Variants in SLIT3 observed in about 807,000 individuals in gnomAD.
SLIT3 encodes slit guidance ligand 3.
A neutral mutation model predicts 184.0 loss-of-function variants in SLIT3; 68 were observed. The ratio of observed to expected loss-of-function variants is 0.37; its 90% confidence interval spans 0.30 to 0.45. The LOEUF is 0.45. SLIT3 is among the 20% of genes least tolerant of loss of function. The pLI is 1.00. For missense variants in SLIT3, 1,707 were observed against 2,026.0 expected (o/e 0.84, Z 3.02); for synonymous variants, 831 against 828.6 (o/e 1.00, Z -0.05).
At position 168,665,828 on chromosome 5, in the gene SLIT3, C is replaced by T; in HGVS notation, c.*626G>A. 1 of 152,280 alleles carries T rather than the reference C, an allele frequency of 6.6e-6. No homozygotes were observed. The highest frequency in any genetic ancestry group is 1.9e-4 in the East Asian group (1 of 5,192). 9.4% of individuals were successfully genotyped at this position (152,280 alleles called of 1,614,324 possible). A position where few individuals can be genotyped will look rare whatever the true frequency, so the allele number is the denominator to read the frequency against. On this transcript the variant is annotated 3_prime_UTR_variant, in exon 36 of 36. Transcript: ENST00000519560. The stretch of plus-strand genomic sequence containing the variant: ...GCAATATTTTTGAGTGGCAGTGAGA[C>T]TGAGAAGGCCAGGGCTCAGCAGCTT...
intron 1 of SLIT3, among the ~76,000 whole-genome samples, chr5:169,290,229 A>AGGGCACACGCTAGGGTGCGCG (rs1561789349): frequency 6.6e-6 from 1 of 150,984 alleles, no homozygotes; most frequent in Non-Finnish European, 1.5e-5. Flanking sequence ...TAGGGTGCGC[A>AGGGCACACGCTAGGGTGCGCG]CTAGGGCACA....
intron 4 of SLIT3, among the ~76,000 whole-genome samples, chr5:169,185,314 C>T (rs902483607): frequency 6.6e-6 from 1 of 152,180 alleles, no homozygotes; most frequent in Non-Finnish European, 1.5e-5. Flanking sequence ...CTTTGGGTGG[C>T]TGTGTCCCTG....
chr5:168,786,389 T>TGGC (rs1480022238), intron 11 of SLIT3, among the ~76,000 whole-genome samples: 3 of 152,164 alleles, frequency 2.0e-5, no homozygotes, highest in Non-Finnish European at 2.9e-5. Flanking sequence ...ACGTTTCCTT[T>TGGC]TAATATCCCT....
intron 2 of SLIT3, among the ~76,000 whole-genome samples, chr5:169,248,146 C>G (rs543362119): frequency 7.0e-4 from 107 of 152,284 alleles, no homozygotes; most frequent in African/African-American, 2.4e-3. Context: ...CACTTCCTCC[C>G]TGTGCTCCTT....
chr5:168,874,651 G>A (rs1239518692), intron 5 of SLIT3, among the ~76,000 whole-genome samples: 1 of 152,164 alleles, frequency 6.6e-6, no homozygotes, highest in Non-Finnish European at 1.5e-5. Context: ...AATTCTACTT[G>A]TCACCAATGC....
chr5:169,074,820 G>A (rs987045997), intron 4 of SLIT3, among the ~76,000 whole-genome samples: 1 of 152,164 alleles, frequency 6.6e-6, no homozygotes, highest in Non-Finnish European at 1.5e-5. Context: ...AACAGCTGAA[G>A]CAAGACCTGA....
chr5:169,061,869 A>C (rs1328375523), intron 4 of SLIT3, among the ~76,000 whole-genome samples: 1 of 151,154 alleles, frequency 6.6e-6, no homozygotes, highest in Non-Finnish European at 1.5e-5. Flanking sequence ...ATCATTCCCC[A>C]CCCCACTCCC....
intron 5 of SLIT3, among the ~76,000 whole-genome samples, chr5:168,867,762 T>G (rs992400646): frequency 6.6e-6 from 1 of 152,194 alleles, no homozygotes; most frequent in African/African-American, 2.4e-5. Context: ...TTCAAGGCCT[T>G]GGCAGGCAGT....
intron 3 of SLIT3, among the ~76,000 whole-genome samples, chr5:169,205,337 T>C (rs1435242995): frequency 6.6e-6 from 1 of 152,216 alleles, no homozygotes; most frequent in Non-Finnish European, 1.5e-5. Context: ...AGTCCTAAGA[T>C]GACCTATTCT....
intron 4 of SLIT3, among the ~76,000 whole-genome samples, chr5:169,180,411 G>C (rs1416585454): frequency 6.6e-6 from 1 of 152,188 alleles, no homozygotes; most frequent in Admixed American, 6.5e-5. Context: ...CTGGGGAAAA[G>C]AGGAGATCTG....
chr5:168,712,418 G>A (rs1762586812), intron 23 of SLIT3, 64 bp from the exon 24 acceptor site: 1 of 1,421,540 alleles, frequency 7.0e-7, no homozygotes, highest in Non-Finnish European at 9.9e-7. Flanking sequence ...ATATTCTCAG[G>A]GCCTCCAGTG....
At chr5:169,063,493 C>T (rs1758244852) in intron 4 of SLIT3, among the ~76,000 whole-genome samples, 1 of 152,232 alleles carries the variant, frequency 6.6e-6, no homozygotes, top group South Asian at 2.1e-4. Flanking sequence ...GGCTCCCAAG[C>T]CCTGCTGCTT....
chr5:168,806,675 AG>A (rs1756974964), intron 8 of SLIT3, 88 bp from the exon 9 acceptor site: 1 of 1,477,974 alleles, frequency 6.8e-7, no homozygotes, highest in Non-Finnish European at 9.3e-7. Context: ...CTAAGGGCAA[AG>A]CATGACCTGA....
chr5:169,121,642 G>T (rs1055241954), intron 4 of SLIT3, among the ~76,000 whole-genome samples: 8 of 152,136 alleles, frequency 5.3e-5, no homozygotes, highest in African/African-American at 1.9e-4. Context: ...TTTAAAAAAT[G>T]CCATTATCAT....
chr5:168,946,416 C>G (rs1380088155), intron 4 of SLIT3, among the ~76,000 whole-genome samples: 1 of 152,212 alleles, frequency 6.6e-6, no homozygotes, highest in African/African-American at 2.4e-5. Flanking sequence ...GCCCCAACCT[C>G]CCAAATGCCT....
intron 3 of SLIT3, among the ~76,000 whole-genome samples, chr5:169,232,368 G>A (rs1338339557): frequency 6.6e-6 from 1 of 152,056 alleles, no homozygotes; most frequent in Non-Finnish European, 1.5e-5. Flanking sequence ...GGGATTACAG[G>A]CACATGCCAC....
chr5:169,005,820 T>C (rs1199410223), intron 4 of SLIT3, among the ~76,000 whole-genome samples: 1 of 152,250 alleles, frequency 6.6e-6, no homozygotes. Context: ...TTTGGAGCTC[T>C]GGGGGAAACG....
intron 6 of SLIT3, among the ~76,000 whole-genome samples, chr5:168,841,293 A>T (rs1227085417): frequency 1.3e-5 from 2 of 152,210 alleles, no homozygotes; most frequent in African/African-American, 4.8e-5. Context: ...CAGTAGTTCT[A>T]TTGAGAGATT....
At chr5:169,014,886 G>A (rs1756304187) in intron 4 of SLIT3, among the ~76,000 whole-genome samples, 2 of 152,318 alleles carry the variant, frequency 1.3e-5, no homozygotes, top group Non-Finnish European at 2.9e-5. Flanking sequence ...GGGAGGCAGA[G>A]GTTGCAGTGA....
Sources: allele counts gnomAD v4.1 joint callset (sites outside exome capture counted in the v4.1 genomes callset), GRCh38; gene constraint gnomAD v4.1.1; transcripts MANE v1.5; gene names NCBI Gene and HGNC (gene_info 2026-07-23, HGNC 2026-07-21).